Variants in ARHGAP42 observed in about 807,000 individuals in gnomAD.
ARHGAP42 encodes the protein Rho GTPase activating protein 42, also known as rho GTPase-activating protein 42.
ARHGAP42 carries 63 observed loss-of-function variants against 125.0 expected under a neutral mutation model. That is an observed-to-expected ratio of 0.50 (90% CI 0.41 to 0.62). The LOEUF is 0.62. ARHGAP42 is among the 20% of genes least tolerant of loss of function. The pLI is 0.00. For synonymous variants in ARHGAP42, 339 were observed against 351.0 expected (o/e 0.97, Z 0.38); for missense variants, 766 against 1,024.2 (o/e 0.75, Z 3.44).
rs114214289 is a variant in ARHGAP42, at chr11:100,702,396, C to T, written c.154+14564C>T. Among the ~76,000 whole-genome samples, 675 of 151,986 alleles carry T rather than the reference C, an allele frequency of 4.4e-3. 8 individuals carry two copies. The highest frequency in any genetic ancestry group is 0.014 in the African/African-American group (591 of 41,446). On this transcript the variant is annotated intron_variant, in intron 1 of 23. Transcript: ENST00000298815. ...CATCCCAAAACAATTACAGTGGTAA[C>T]GTCAAAGAGCATTGGTCACAGGTCA... is the stretch of plus-strand genomic sequence containing the variant.
At chr11:100,760,381 G>A (rs1235871469) in intron 1 of ARHGAP42, among the ~76,000 whole-genome samples, 3 of 152,106 alleles carry the variant, frequency 2.0e-5, no homozygotes, top group South Asian at 2.1e-4. Context: ...AGCCTAGAAG[G>A]TAATAGCTTA....
intron 3 of ARHGAP42, among the ~76,000 whole-genome samples, chr11:100,849,311 T>G (rs1343004676): frequency 6.6e-6 from 1 of 152,182 alleles, no homozygotes; most frequent in African/African-American, 2.4e-5. Flanking sequence ...TTGACAGCTG[T>G]ACAGTGTGGA....
Position 100,928,851 on chromosome 11 carries a change from A to G in ARHGAP42, c.598-4305A>G, listed in dbSNP as rs1259685103. Among the ~76,000 whole-genome samples, 3 of 152,298 alleles carry G rather than the reference A, an allele frequency of 2.0e-5. No homozygotes were observed. The East Asian group carries it at 5.8e-4, about 29-fold the overall frequency. On this transcript the variant is annotated intron_variant, in intron 6 of 23. Transcript: ENST00000298815. ...TTGCCTACTCTGGGCCTTTCATACA[A>G]ATGAAATTGTGTAATACGTGGCCCC... is the stretch of plus-strand genomic sequence containing the variant.
chr11:100,958,609 A>G (rs1055502757), intron 12 of ARHGAP42, among the ~76,000 whole-genome samples: 4 of 151,718 alleles, frequency 2.6e-5, no homozygotes, highest in Admixed American at 6.6e-5. Flanking sequence ...AAAAATGACA[A>G]TTTCTAACTT....
At chr11:100,741,325 CT>C (rs1486549055) in intron 1 of ARHGAP42, among the ~76,000 whole-genome samples, 53 of 152,278 alleles carry the variant, frequency 3.5e-4, no homozygotes, top group African/African-American at 1.2e-3. Flanking sequence ...GCCACCGCCC[CT>C]GGCCGAAGAA....
chr11:100,923,875 A>T (rs1466667643), intron 6 of ARHGAP42, among the ~76,000 whole-genome samples: 2 of 152,098 alleles, frequency 1.3e-5, no homozygotes, highest in Non-Finnish European at 2.9e-5. Context: ...AGTCTCATCC[A>T]TGGAGTTGTA....
chr11:100,941,031 ATC>A (rs773661474), intron 8 of ARHGAP42, among the ~76,000 whole-genome samples: 42 of 152,186 alleles, frequency 2.8e-4, no homozygotes, highest in Non-Finnish European at 5.3e-4. Context: ...GATCTTAGGT[ATC>A]TCTCCAGGAA....
chr11:100,921,241 ATATATTTTTTTTTTTTT>A lies in ARHGAP42; in HGVS notation c.487-251_487-235del, dbSNP rs1354956773. On this transcript the variant is annotated intron_variant, in intron 5 of 23. Transcript: ENST00000298815. ...TATATATATATATATATATATATAT[ATATATTTTTTTTTTTTT>A]TTTTTTTTTTTTTTTACTGCAATGG... Among the ~76,000 whole-genome samples, 23 of 25,106 alleles carry A rather than the reference ATATATTTTTTTTTTTTT, an allele frequency of 9.2e-4. No homozygotes were observed. In the East Asian group the frequency reaches 0.024, roughly 26 times the overall value. 16.5% of individuals were successfully genotyped at this position (25,106 alleles called of 152,430 possible).
At chr11:100,698,489 A>C (rs1005601838) in intron 1 of ARHGAP42, among the ~76,000 whole-genome samples, 30 of 152,260 alleles carry the variant, frequency 2.0e-4, no homozygotes, top group African/African-American at 7.2e-4. Context: ...GTCATTTTCC[A>C]ACATGGAGAA....
At chr11:100,921,679 A>G in intron 6 of ARHGAP42, 75 bp downstream of exon 6, 7 of 905,480 alleles carry the variant, frequency 7.7e-6, no homozygotes, top group Non-Finnish European at 1.1e-5. Flanking sequence ...TTTTTCTATA[A>G]TATATAATTT....
At chr11:100,963,769 A>G (rs1285257525) in intron 16 of ARHGAP42, among the ~76,000 whole-genome samples, 1 of 152,232 alleles carries the variant, frequency 6.6e-6, no homozygotes, top group Non-Finnish European at 1.5e-5. Context: ...CAAAGTGGGC[A>G]AGTAACATGT....
At chr11:100,933,782 C>A (rs756368883) in intron 7 of ARHGAP42, among the ~76,000 whole-genome samples, 10 of 150,230 alleles carry the variant, frequency 6.7e-5, no homozygotes, top group Non-Finnish European at 1.2e-4. Context: ...GGAAATAAGA[C>A]CTTAGAGAAG....
At chr11:100,854,833 A>G (rs1052243026) in intron 3 of ARHGAP42, among the ~76,000 whole-genome samples, 1 of 152,172 alleles carries the variant, frequency 6.6e-6, no homozygotes, top group African/African-American at 2.4e-5. Context: ...GACAAGGCAG[A>G]GAAGAGATGC....
chr11:100,962,314 A>G, intron 15 of ARHGAP42, 95 bp from the exon 16 acceptor site: 2 of 943,896 alleles, frequency 2.1e-6, no homozygotes, highest in South Asian at 3.4e-5. Flanking sequence ...TTAATTGATG[A>G]ATAACAGTCA....
At chr11:100,862,660 G>C (rs1221259354) in intron 4 of ARHGAP42, among the ~76,000 whole-genome samples, 1 of 152,138 alleles carries the variant, frequency 6.6e-6, no homozygotes, top group African/African-American at 2.4e-5. Context: ...TATTTTATCT[G>C]TCTGATGCAT....
intron 3 of ARHGAP42, among the ~76,000 whole-genome samples, chr11:100,857,408 A>G (rs1379037492): frequency 6.6e-6 from 1 of 152,108 alleles, no homozygotes; most frequent in Non-Finnish European, 1.5e-5. Flanking sequence ...GAAGGGGTAG[A>G]TGTAAACCAT....
intron 1 of ARHGAP42, among the ~76,000 whole-genome samples, chr11:100,756,337 G>A (rs1354645787): frequency 1.3e-5 from 2 of 151,788 alleles, no homozygotes; most frequent in African/African-American, 2.4e-5. Context: ...AGTTGAAGCT[G>A]CAGTGAGCAA....
At chr11:100,778,270 T>G (rs756053979) in intron 2 of ARHGAP42, among the ~76,000 whole-genome samples, 2 of 152,162 alleles carry the variant, frequency 1.3e-5, no homozygotes, top group African/African-American at 2.4e-5. Flanking sequence ...GCAATGCCAT[T>G]ATCAACCACA....
At chr11:100,752,943 C>T (rs746784182) in intron 1 of ARHGAP42, among the ~76,000 whole-genome samples, 3 of 152,202 alleles carry the variant, frequency 2.0e-5, no homozygotes, top group Non-Finnish European at 4.4e-5. Flanking sequence ...CAAGAGAATG[C>T]CAGCTGCCAC....
Sources: allele counts gnomAD v4.1 joint callset (sites outside exome capture counted in the v4.1 genomes callset), GRCh38; gene constraint gnomAD v4.1.1; transcripts MANE v1.5; gene names NCBI Gene and HGNC (gene_info 2026-07-23, HGNC 2026-07-21).